Variants in NELL1 observed in about 807,000 individuals in gnomAD.
The protein encoded by NELL1 is protein kinase C-binding protein NELL1.
Under a neutral mutation model 107.4 loss-of-function variants are expected in NELL1, and 76 were observed. The ratio of observed to expected loss-of-function variants is 0.71; its 90% confidence interval spans 0.59 to 0.86. NELL1 has a LOEUF of 0.86. Among genes scored for constraint, NELL1 ranks in the 40% least tolerant of loss-of-function variants. NELL1 has a pLI of 0.00. For synonymous variants in NELL1, 353 were observed against 341.2 expected (o/e 1.03, Z -0.38); for missense variants, 1,024 against 1,005.5 (o/e 1.02, Z -0.25).
At chr11:20,741,550 G>A (rs995074217) in intron 2 of NELL1, among the ~76,000 whole-genome samples, 1 of 152,144 alleles carries the variant, frequency 6.6e-6, no homozygotes, top group South Asian at 2.1e-4. Flanking sequence ...AATCTTCCCT[G>A]TCAAGCCACC....
intron 14 of NELL1, among the ~76,000 whole-genome samples, chr11:21,310,484 A>G (rs1338291337): frequency 6.6e-6 from 1 of 152,074 alleles, no homozygotes; most frequent in Non-Finnish European, 1.5e-5. Flanking sequence ...TAGTCAGAAG[A>G]TGTATCATTT....
intron 12 of NELL1, among the ~76,000 whole-genome samples, chr11:21,066,637 A>G (rs1295543430): frequency 6.6e-6 from 1 of 152,136 alleles, no homozygotes; most frequent in Non-Finnish European, 1.5e-5. Flanking sequence ...CTAGGTACTG[A>G]GTATATATAA....
intron 14 of NELL1, among the ~76,000 whole-genome samples, chr11:21,350,044 A>G (rs1046504729): frequency 3.9e-5 from 6 of 152,178 alleles, no homozygotes; most frequent in Non-Finnish European, 2.9e-5. Flanking sequence ...ACACCTCAGC[A>G]GTCATGCTTG....
intron 14 of NELL1, among the ~76,000 whole-genome samples, chr11:21,264,239 C>G (rs920497698): frequency 6.6e-6 from 1 of 151,754 alleles, no homozygotes; most frequent in African/African-American, 2.4e-5. Flanking sequence ...GAGGAAGAGA[C>G]CGAGATTGAA....
intron 2 of NELL1, among the ~76,000 whole-genome samples, chr11:20,746,609 T>A (rs199665145): frequency 7.0e-6 from 1 of 142,762 alleles, no homozygotes; most frequent in Non-Finnish European, 1.5e-5. Flanking sequence ...CACACACACG[T>A]GGAATTGAAC....
intron 13 of NELL1, among the ~76,000 whole-genome samples, chr11:21,208,548 T>C (rs1418746744): frequency 1.3e-5 from 2 of 152,058 alleles, no homozygotes; most frequent in Non-Finnish European, 2.9e-5. Context: ...AGGAGGAAGC[T>C]ATTTCCCCTC....
chr11:21,117,733 G>A (rs1431526307), intron 13 of NELL1, among the ~76,000 whole-genome samples: 2 of 151,896 alleles, frequency 1.3e-5, no homozygotes, highest in Non-Finnish European at 2.9e-5. Context: ...TTCACTTTGG[G>A]ATGCAAGCTG....
chr11:21,123,255 C>A (rs187273917), intron 13 of NELL1, among the ~76,000 whole-genome samples: 10 of 151,880 alleles, frequency 6.6e-5, no homozygotes, highest in Non-Finnish European at 1.5e-4. Flanking sequence ...GGGCAGATCC[C>A]AGCTTCTTTT....
At chr11:20,737,132 C>T (rs543901637) in intron 2 of NELL1, among the ~76,000 whole-genome samples, 2 of 152,142 alleles carry the variant, frequency 1.3e-5, no homozygotes, top group South Asian at 4.2e-4. Context: ...TTTTTACTTA[C>T]CTGCTCTTAT....
At chr11:21,462,924 G>A (rs192978330) in intron 15 of NELL1, among the ~76,000 whole-genome samples, 27 of 151,546 alleles carry the variant, frequency 1.8e-4, no homozygotes, top group African/African-American at 6.3e-4. Context: ...TGTAATGGCA[G>A]TTTGGATACC....
At chr11:21,547,884 A>G (rs1856482333) in intron 16 of NELL1, among the ~76,000 whole-genome samples, 1 of 151,882 alleles carries the variant, frequency 6.6e-6, no homozygotes, top group African/African-American at 2.4e-5. Flanking sequence ...GTGAGTAGCA[A>G]TTTCTCAGCT....
chr11:21,547,031 T>A (rs1401855075), intron 16 of NELL1, among the ~76,000 whole-genome samples: 1 of 151,910 alleles, frequency 6.6e-6, no homozygotes, highest in Non-Finnish European at 1.5e-5. Flanking sequence ...GTCTTTCCAG[T>A]CTGGAGTGGG....
chr11:20,813,175 C>A (rs1189805571), intron 3 of NELL1, among the ~76,000 whole-genome samples: 2 of 152,060 alleles, frequency 1.3e-5, no homozygotes, highest in East Asian at 1.9e-4. Context: ...AAGGACATTT[C>A]ATTTTTCTTA....
intron 3 of NELL1, among the ~76,000 whole-genome samples, chr11:20,832,587 T>G (rs546464499): frequency 4.6e-5 from 7 of 152,284 alleles, no homozygotes; most frequent in African/African-American, 1.7e-4. Flanking sequence ...AGTAATAAAT[T>G]ACATATGGCA....
chr11:21,284,361 T>A (rs1239494034), intron 14 of NELL1: 1 of 457,186 alleles, frequency 2.2e-6, no homozygotes, highest in Non-Finnish European at 4.4e-6. Context: ...CTAAAGATCA[T>A]GACTAAGGCC....
At chr11:21,482,027 C>G (rs1455894832) in intron 15 of NELL1, among the ~76,000 whole-genome samples, 2 of 152,054 alleles carry the variant, frequency 1.3e-5, no homozygotes, top group Non-Finnish European at 2.9e-5. Flanking sequence ...TCTTTGTATA[C>G]TAGTCAGAGT....
intron 13 of NELL1, among the ~76,000 whole-genome samples, chr11:21,170,699 A>AT (rs1475967031): frequency 2.1e-5 from 1 of 47,438 alleles, no homozygotes; most frequent in African/African-American, 7.3e-5. Flanking sequence ...TTATATATAT[A>AT]CTGTATTATA....
chr11:20,682,826 TA>T (rs1854221067), intron 2 of NELL1, among the ~76,000 whole-genome samples: 1 of 152,072 alleles, frequency 6.6e-6, no homozygotes, highest in African/African-American at 2.4e-5. Context: ...GAATTTTATA[TA>T]AATAGAATCA....
At chr11:21,254,733 G>T (rs1338015126) in intron 14 of NELL1, among the ~76,000 whole-genome samples, 3 of 152,022 alleles carry the variant, frequency 2.0e-5, no homozygotes, top group Non-Finnish European at 4.4e-5. Context: ...TGATCTAGTT[G>T]GTGAGCTTTC....
Sources: allele counts gnomAD v4.1 joint callset (sites outside exome capture counted in the v4.1 genomes callset), GRCh38; gene constraint gnomAD v4.1.1; transcripts MANE v1.5; gene names NCBI Gene and HGNC (gene_info 2026-07-23, HGNC 2026-07-21).